The following SLAIN1 variants were observed in gnomAD, a reference collection of about 807,000 sequenced individuals.
SLAIN1 encodes the protein SLAIN motif-containing protein 1.
SLAIN1 carries 17 observed loss-of-function variants against 55.4 expected under a neutral mutation model. That is an observed-to-expected ratio of 0.31 (90% CI 0.21 to 0.46). The LOEUF (loss-of-function observed/expected upper bound fraction) is 0.46, where lower values mean the gene tolerates loss of function less well. Among genes scored for constraint, SLAIN1 ranks in the 20% least tolerant of loss-of-function variants. The pLI is 1.00. For synonymous variants in SLAIN1, 348 were observed against 337.4 expected, an observed-to-expected ratio of 1.03 and a Z score of -0.35; for missense variants, 682 against 785.1, an observed-to-expected ratio of 0.87 and a Z score of 1.57.
At chr13:77,741,257 AT>A in intron 2 of SLAIN1, 10 of 987,182 alleles carry the variant, frequency 1.0e-5, no homozygotes, top group Non-Finnish European at 1.1e-5. Flanking sequence ...AAAATATAGA[AT>A]TTTTAATGAG....
At chr13:77,743,035 C>T in intron 2 of SLAIN1, 1 of 1,295,762 alleles carries the variant, frequency 7.7e-7, no homozygotes, top group Non-Finnish European at 1.0e-6. Flanking sequence ...GGCGGAGTCT[C>T]TTCTCTTCAA....
At position 77,698,312 on chromosome 13, in the gene SLAIN1, C is replaced by G. The variant is rs2090994770; in HGVS notation, c.399C>G (p.Pro133=). 6.9e-7 allele frequency: 1 copy of G among 1,446,486 alleles called. No homozygotes were observed. The highest frequency in any genetic ancestry group is 2.5e-5 in the Admixed American group (1 of 40,398). The allele number at this position is 1,446,486 out of a possible 1,614,324, so 89.6% of individuals were successfully genotyped here. A position where few individuals can be genotyped will look rare whatever the true frequency, so the allele number is the denominator to read the frequency against. Residue 133 remains proline (P), a synonymous_variant, in exon 1 of 7, where the codon CCC becomes CCG. Coordinates refer to ENST00000418532, the MANE Select transcript of SLAIN1 (RefSeq NM_001242868.2). This position sits in a 1 kb window ranked among gnomAD's most constrained non-coding sequence, Gnocchi z 4.1. ...PGTFCLPSPA[P]SLLCSLAQPP... Reference sequence around the variant, plus strand: ...CCTTCTGCCTGCCTAGCCCCGCGCCCTCCCTGCTTTGCAGCCTGGCGCAGC... The same window carrying G: ...CCTTCTGCCTGCCTAGCCCCGCGCCGTCCCTGCTTTGCAGCCTGGCGCAGC...
At chr13:77,711,003 T>A (rs1231168819) in intron 1 of SLAIN1, among the ~76,000 whole-genome samples, 2 of 151,916 alleles carry the variant, frequency 1.3e-5, no homozygotes, top group Non-Finnish European at 2.9e-5. Context: ...ATAAAGAAAT[T>A]AAGGCAGAAA....
At chr13:77,742,670 C>G (rs887517654) in intron 2 of SLAIN1, 1 of 151,904 alleles carries the variant, frequency 6.6e-6, no homozygotes, top group African/African-American at 2.4e-5. Flanking sequence ...GACACTAATC[C>G]TTTTTTATAT....
intron 1 of SLAIN1, among the ~76,000 whole-genome samples, chr13:77,719,112 G>C (rs2091236120): frequency 6.6e-6 from 1 of 151,996 alleles, no homozygotes; most frequent in East Asian, 1.9e-4. Flanking sequence ...CATAAGATTT[G>C]CCTTGTTTGT....
At chr13:77,744,938 C>T (rs1873712134) in intron 3 of SLAIN1, among the ~76,000 whole-genome samples, 1 of 152,038 alleles carries the variant, frequency 6.6e-6, no homozygotes, top group African/African-American at 2.4e-5. Flanking sequence ...CAACATCTTG[C>T]TTGAAGCTCC....
intron 4 of SLAIN1, 63 bp downstream of exon 4, chr13:77,746,918 G>T (rs1873865894): frequency 7.0e-7 from 1 of 1,421,354 alleles, no homozygotes. Flanking sequence ...GTCAAGAAAT[G>T]GTTTTTGTGT....
At chr13:77,737,539 A>G (rs1274625755) in intron 2 of SLAIN1, among the ~76,000 whole-genome samples, 1 of 151,388 alleles carries the variant, frequency 6.6e-6, no homozygotes, top group Non-Finnish European at 1.5e-5. Context: ...TCCAGCCCTA[A>G]CTCTTCTCTT....
At chr13:77,738,053 A>C (rs1319793328) in intron 2 of SLAIN1, among the ~76,000 whole-genome samples, 1 of 152,064 alleles carries the variant, frequency 6.6e-6, no homozygotes, top group Non-Finnish European at 1.5e-5. Context: ...TGCTGTGTGT[A>C]TCTGTGGAAG....
chr13:77,724,925 G>C (rs2091294266), intron 2 of SLAIN1, among the ~76,000 whole-genome samples: 1 of 152,102 alleles, frequency 6.6e-6, no homozygotes, highest in Non-Finnish European at 1.5e-5. Flanking sequence ...ATATTACTGA[G>C]TGTTTTCTTT....
At chr13:77,761,512 C>CTG (rs1290760519) in intron 6 of SLAIN1, among the ~76,000 whole-genome samples, 2 of 152,256 alleles carry the variant, frequency 1.3e-5, no homozygotes, top group East Asian at 3.9e-4. Flanking sequence ...TGGTTCATTG[C>CTG]TGTGTATCCC....
intron 2 of SLAIN1, chr13:77,742,855 G>A (rs1049655814): frequency 4.8e-6 from 1 of 206,490 alleles, no homozygotes; most frequent in Non-Finnish European, 9.2e-6. Flanking sequence ...TGTTTATTTT[G>A]TATATATTTT....
At chr13:77,710,876 A>G (rs924740745) in intron 1 of SLAIN1, among the ~76,000 whole-genome samples, 1 of 152,130 alleles carries the variant, frequency 6.6e-6, no homozygotes, top group Non-Finnish European at 1.5e-5. Context: ...AATGGAAATC[A>G]TAACAGTCTC....
At chr13:77,706,297 T>G (rs2091089564) in intron 1 of SLAIN1, among the ~76,000 whole-genome samples, 1 of 152,164 alleles carries the variant, frequency 6.6e-6, no homozygotes, top group African/African-American at 2.4e-5. Context: ...GCATTATGAT[T>G]ATAATTTACT....
chr13:77,746,871 T>G lies in SLAIN1; in HGVS notation c.1258+16T>G, dbSNP rs1873860377. On this transcript the variant is annotated intron_variant, in intron 4 of 6. Coordinates refer to ENST00000418532, the MANE Select transcript of SLAIN1 (RefSeq NM_001242868.2). ...ACCAATGGAGGTAGGTTGTATGCTT[T>G]TTTGGTATTTGATATGCTTTAATTT... is the stretch of plus-strand genomic sequence containing the variant. The G allele has an allele frequency of 6.3e-7, 1 of 1,578,272 alleles. No individual in the cohort carries two copies. The highest frequency in any genetic ancestry group is 8.6e-7 in the Non-Finnish European group (1 of 1,159,412).
chr13:77,721,050 G>T (rs2091256929), intron 2 of SLAIN1, among the ~76,000 whole-genome samples: 1 of 152,084 alleles, frequency 6.6e-6, no homozygotes, highest in Non-Finnish European at 1.5e-5. Context: ...AACTGATACG[G>T]TTTGGCTCTG....
intron 2 of SLAIN1, among the ~76,000 whole-genome samples, chr13:77,735,900 G>C (rs1235603442): frequency 6.6e-6 from 1 of 151,638 alleles, no homozygotes; most frequent in African/African-American, 2.4e-5. Flanking sequence ...ATTATCTTCA[G>C]TCACTGGGGT....
intron 4 of SLAIN1, among the ~76,000 whole-genome samples, chr13:77,750,893 C>G (rs1364141384): frequency 1.3e-5 from 2 of 152,092 alleles, no homozygotes; most frequent in Admixed American, 1.3e-4. Context: ...ATAGCACTCT[C>G]TACAATTTTT....
chr13:77,701,270 A>G (rs920687232), intron 1 of SLAIN1, among the ~76,000 whole-genome samples: 2 of 152,192 alleles, frequency 1.3e-5, no homozygotes, highest in Non-Finnish European at 2.9e-5. Context: ...GAAAGTTTAC[A>G]AATGTAGATT....
Sources: gnomAD v4.1 joint callset for allele counts (sites outside exome capture counted in the v4.1 genomes callset) on GRCh38, gnomAD v4.1.1 for gene constraint, Gnocchi (gnomAD v3.1) non-coding constraint, MANE v1.5 for transcripts, NCBI Gene and HGNC (gene_info 2026-07-23, HGNC 2026-07-21) for gene names.